The following CBFB variants were observed in gnomAD, a reference collection of about 807,000 sequenced individuals.
The protein encoded by CBFB is CBF-beta.
A neutral mutation model predicts 30.4 loss-of-function variants in CBFB; 9 were observed. That is an observed-to-expected ratio of 0.30 (90% CI 0.18 to 0.52). The LOEUF (loss-of-function observed/expected upper bound fraction) is 0.52, where lower values mean the gene tolerates loss of function less well. Among genes scored for constraint, CBFB ranks in the 20% least tolerant of loss-of-function variants. The pLI, the probability that CBFB is intolerant of heterozygous loss-of-function variation, is 0.97. For synonymous variants in CBFB, 94 were observed against 84.0 expected, an observed-to-expected ratio of 1.12 and a Z score of -0.65; for missense variants, 170 against 244.0, an observed-to-expected ratio of 0.70 and a Z score of 2.02.
At chr16:67,056,215 C>T (rs1443985308) in intron 3 of CBFB, among the ~76,000 whole-genome samples, 1 of 152,168 alleles carries the variant, frequency 6.6e-6, no homozygotes, top group African/African-American at 2.4e-5. Flanking sequence ...GTCTAGTATT[C>T]CTTAAATGCA....
intron 3 of CBFB, among the ~76,000 whole-genome samples, chr16:67,047,046 T>C (rs1485507896): frequency 6.6e-6 from 1 of 151,886 alleles, no homozygotes; most frequent in Non-Finnish European, 1.5e-5. Context: ...GCGCAGTAGC[T>C]CATACCTGTA....
intron 4 of CBFB, among the ~76,000 whole-genome samples, chr16:67,079,105 T>G (rs1961485413): frequency 6.6e-6 from 1 of 152,224 alleles, no homozygotes; most frequent in Non-Finnish European, 1.5e-5. Context: ...TGTTATGATG[T>G]TCAGTCAAAT....
chr16:67,085,446 A>T (rs971803540), intron 5 of CBFB, among the ~76,000 whole-genome samples: 1 of 137,632 alleles, frequency 7.3e-6, no homozygotes, highest in African/African-American at 2.7e-5. Flanking sequence ...CTGGGATTAC[A>T]GGAGTGAGCC....
At chr16:67,069,100 C>T (rs1597146490) in intron 4 of CBFB, among the ~76,000 whole-genome samples, 1 of 152,208 alleles carries the variant, frequency 6.6e-6, no homozygotes, top group African/African-American at 2.4e-5. Flanking sequence ...TGTAATCCCA[C>T]CTACTCAGGA....
At chr16:67,050,137 TCTA>T (rs911737221) in intron 3 of CBFB, among the ~76,000 whole-genome samples, 17 of 149,086 alleles carry the variant, frequency 1.1e-4, no homozygotes, top group Non-Finnish European at 8.9e-5. Context: ...ACCAAGTTAC[TCTA>T]CTGATATATA....
intron 3 of CBFB, 37 bp from the exon 4 acceptor site, chr16:67,066,645 T>G (rs998307162): frequency 1.8e-6 from 2 of 1,099,368 alleles, no homozygotes; most frequent in African/African-American, 3.1e-5. Context: ...ATGTGTCTGA[T>G]GGTTTTCAAT....
chr16:67,092,913 G>A (rs971869928), intron 5 of CBFB, among the ~76,000 whole-genome samples: 2 of 151,596 alleles, frequency 1.3e-5, no homozygotes, highest in African/African-American at 2.4e-5. Flanking sequence ...GGGTTTCACC[G>A]TGTTGGCCAG....
At chr16:67,064,192 A>G (rs1960989660) in intron 3 of CBFB, among the ~76,000 whole-genome samples, 1 of 152,110 alleles carries the variant, frequency 6.6e-6, no homozygotes, top group Non-Finnish European at 1.5e-5. Context: ...GAGAAGACCT[A>G]AAATTATGTG....
chr16:67,044,660 G>C (rs532231937), intron 3 of CBFB, among the ~76,000 whole-genome samples: 15 of 152,242 alleles, frequency 9.9e-5, no homozygotes, highest in Middle Eastern at 3.4e-3. Flanking sequence ...TTCTAATAAA[G>C]GTCTATGATT....
chr16:67,098,781 A>G lies in CBFB; in HGVS notation c.*3A>G. The G allele has an allele frequency of 6.4e-7, 1 of 1,555,802 alleles. No homozygotes were observed. The highest frequency in any genetic ancestry group is 1.1e-5 in the South Asian group (1 of 89,816). On this transcript the variant is annotated 3_prime_UTR_variant, in exon 6 of 6. Coordinates refer to ENST00000412916, the MANE Select transcript of CBFB (RefSeq NM_022845.3). ...GTGATGACCTCAAACTTCGTTAATTAATAGCACAGCAGATGTGTGCTGCCC... is the reference window on the plus strand; with the variant it reads ...GTGATGACCTCAAACTTCGTTAATTGATAGCACAGCAGATGTGTGCTGCCC...
intron 2 of CBFB, among the ~76,000 whole-genome samples, chr16:67,033,070 T>G (rs1966380180): frequency 6.6e-6 from 1 of 152,198 alleles, no homozygotes; most frequent in South Asian, 2.1e-4. Context: ...AGACGGAGTT[T>G]CACCATGTTT....
chr16:67,084,764 C>T (rs540215907), intron 5 of CBFB, among the ~76,000 whole-genome samples: 11 of 150,830 alleles, frequency 7.3e-5, no homozygotes, highest in Non-Finnish European at 1.3e-4. Context: ...TGTGTGCATA[C>T]GTGTGTGTGT....
Position 67,099,250 on chromosome 16 carries a change from T to G in CBFB, c.*472T>G, listed in dbSNP as rs1962147801. On this transcript the variant is annotated 3_prime_UTR_variant, in exon 6 of 6. Coordinates refer to ENST00000412916, the MANE Select transcript of CBFB (RefSeq NM_022845.3). The stretch of plus-strand genomic sequence containing the variant: ...TTATTTTTTGTTTTGTTTGCCCCAT[T>G]TCCTTTTGTGTTTTTATAGTCTATA... 8.6e-6 allele frequency: 2 copies of G among 232,278 alleles called. No individual in the cohort carries two copies. Among genetic ancestry groups the G allele is most frequent in the Non-Finnish European group, 1.7e-5 (2 of 117,786 alleles). The allele number at this position is 232,278 out of a possible 1,614,324, so 14.4% of individuals were successfully genotyped here. A position where few individuals can be genotyped will look rare whatever the true frequency, so the allele number is the denominator to read the frequency against.
Position 67,036,734 on chromosome 16 carries a change from C to T in CBFB, c.261C>T (p.Asp87=). 1 of 1,609,712 alleles carries T rather than the reference C, an allele frequency of 6.2e-7. No homozygotes were observed. The highest frequency in any genetic ancestry group is 1.1e-5 in the South Asian group (1 of 91,008). Residue 87 remains aspartate (D), a synonymous_variant, in exon 3 of 6, where the codon GAC becomes GAT. Transcript: ENST00000412916. Reference sequence around the variant, plus strand: ...AAACACCTAGCCGAGAGTATGTCGACTTAGAAAGAGAAGCAGGCAAGGTAG... The same window carrying T: ...AAACACCTAGCCGAGAGTATGTCGATTTAGAAAGAGAAGCAGGCAAGGTAG... The part of the protein sequence containing the change: ...QRQTPSREYV[D]LEREAGKVYL...
At chr16:67,060,586 A>G (rs1429370886) in intron 3 of CBFB, among the ~76,000 whole-genome samples, 2 of 151,740 alleles carry the variant, frequency 1.3e-5, no homozygotes, top group African/African-American at 4.8e-5. Flanking sequence ...ACGGAGATTC[A>G]GTCTAGTTGC....
intron 3 of CBFB, among the ~76,000 whole-genome samples, chr16:67,044,231 G>A (rs1966583311): frequency 1.3e-5 from 2 of 152,030 alleles, no homozygotes; most frequent in Non-Finnish European, 1.5e-5. Flanking sequence ...CTTACTTTGC[G>A]ATCCCAGTTT....
At position 67,098,146 on chromosome 16, in the gene CBFB, G is replaced by GT. The variant is rs1555541196; in HGVS notation, c.496-558dup. 2.7e-5 allele frequency among the ~76,000 whole-genome samples: 4 copies of GT among 147,250 alleles called. No individual in the cohort carries two copies. The East Asian group carries it at 5.8e-4, about 21-fold the overall frequency. On this transcript the variant is annotated intron_variant, in intron 5 of 5. Coordinates refer to ENST00000412916, the MANE Select transcript of CBFB (RefSeq NM_022845.3). ...TGTTTGTTTGTTTGTTTGTTTGTTT[G>GT]TTTTTTGAGATGGAATCTCACTTAT...
chr16:67,029,425 C>T lies in CBFB; in HGVS notation c.18C>T (p.Pro6=), dbSNP rs775966318. The part of the protein sequence containing the change: MPRVV[P]DQRSKFENEE... ...GCGGGAAGATGCCGCGCGTCGTGCC[C>T]GACCAGAGAAGCAAGTTCGAGAACG... Residue 6 remains proline (P), a synonymous_variant, in exon 1 of 6, where the codon CCC becomes CCT. Transcript: ENST00000412916. 1.4e-5 allele frequency: 22 copies of T among 1,581,236 alleles called. No individual in the cohort carries two copies. The highest frequency in any genetic ancestry group is 1.8e-5 in the Non-Finnish European group (21 of 1,165,842).
At chr16:67,051,491 TAC>T (rs1205670330) in intron 3 of CBFB, among the ~76,000 whole-genome samples, 2 of 151,994 alleles carry the variant, frequency 1.3e-5, no homozygotes, top group African/African-American at 2.4e-5. Context: ...TATATATATG[TAC>T]ACACACACAT....
Sources: allele counts gnomAD v4.1 joint callset (sites outside exome capture counted in the v4.1 genomes callset), GRCh38; gene constraint gnomAD v4.1.1; transcripts MANE v1.5; gene names NCBI Gene and HGNC (gene_info 2026-07-23, HGNC 2026-07-21).